TSPAN5: variants seen among roughly 807,000 people sequenced by gnomAD.
TSPAN5 encodes the protein tetraspanin 5.
Under a neutral mutation model 37.1 loss-of-function variants are expected in TSPAN5, and 10 were observed. That is an observed-to-expected ratio of 0.27 (90% CI 0.17 to 0.46). TSPAN5 has a LOEUF of 0.46. Among genes scored for constraint, TSPAN5 ranks in the 20% least tolerant of loss-of-function variants. The pLI is 1.00. For synonymous variants in TSPAN5, 110 were observed against 118.9 expected, an observed-to-expected ratio of 0.93 and a Z score of 0.48; for missense variants, 195 against 326.6, an observed-to-expected ratio of 0.60 and a Z score of 3.11.
intron 2 of TSPAN5, among the ~76,000 whole-genome samples, chr4:98,502,711 A>G (rs745514241): frequency 2.0e-5 from 3 of 152,154 alleles, no homozygotes; most frequent in Non-Finnish European, 4.4e-5. Context: ...ATGTAATGAC[A>G]AGTAGATGGA....
At chr4:98,570,834 A>T (rs916671933) in intron 1 of TSPAN5, among the ~76,000 whole-genome samples, 1 of 151,738 alleles carries the variant, frequency 6.6e-6, no homozygotes, top group African/African-American at 2.4e-5. Context: ...TCCACATCGC[A>T]CCTCCTACAG....
intron 1 of TSPAN5, among the ~76,000 whole-genome samples, chr4:98,588,630 T>C (rs1240038299): frequency 6.6e-6 from 1 of 152,202 alleles, no homozygotes; most frequent in Non-Finnish European, 1.5e-5. Flanking sequence ...AAGAGAAATT[T>C]AGTAAGATTA....
chr4:98,539,189 G>A (rs1254469667), intron 1 of TSPAN5, among the ~76,000 whole-genome samples: 1 of 150,248 alleles, frequency 6.7e-6, no homozygotes, highest in African/African-American at 2.4e-5. Context: ...TTCAATGCTT[G>A]TATGTTTGAA....
chr4:98,524,181 T>C (rs1015234028), intron 1 of TSPAN5, among the ~76,000 whole-genome samples: 1 of 152,222 alleles, frequency 6.6e-6, no homozygotes, highest in Non-Finnish European at 1.5e-5. Flanking sequence ...GCATATACTA[T>C]GGGGAAAAAA....
chr4:98,537,994 G>A (rs1029729118), intron 1 of TSPAN5, among the ~76,000 whole-genome samples: 1 of 152,256 alleles, frequency 6.6e-6, no homozygotes, highest in Non-Finnish European at 1.5e-5. Context: ...CCTATGAGGG[G>A]CTCAGCCCCA....
intron 1 of TSPAN5, among the ~76,000 whole-genome samples, chr4:98,554,075 AT>A (rs781458560): frequency 7.2e-5 from 11 of 151,774 alleles, no homozygotes; most frequent in African/African-American, 7.3e-5. Flanking sequence ...TAAAAAAAAA[AT>A]AAATTAAAAA....
chr4:98,610,107 G>C (rs1306248160), intron 1 of TSPAN5, among the ~76,000 whole-genome samples: 1 of 152,194 alleles, frequency 6.6e-6, no homozygotes, highest in Non-Finnish European at 1.5e-5. Context: ...CACAGACTGG[G>C]TAATTTGTAA....
chr4:98,497,952 G>T (rs867079229), intron 2 of TSPAN5, among the ~76,000 whole-genome samples: 1 of 152,184 alleles, frequency 6.6e-6, no homozygotes, highest in African/African-American at 2.4e-5. Context: ...GGCTGGGTTT[G>T]TATCTGAGGG....
chr4:98,602,801 G>A (rs939516331), intron 1 of TSPAN5, among the ~76,000 whole-genome samples: 11 of 152,218 alleles, frequency 7.2e-5, no homozygotes, highest in Non-Finnish European at 1.0e-4. Context: ...AAACACGGGT[G>A]CAAGAGATGG....
chr4:98,560,946 C>T (rs936373868), intron 1 of TSPAN5, among the ~76,000 whole-genome samples: 1 of 152,184 alleles, frequency 6.6e-6, no homozygotes, highest in Non-Finnish European at 1.5e-5. Flanking sequence ...ATGCAGGCAA[C>T]TAACGATAAC....
intron 1 of TSPAN5, among the ~76,000 whole-genome samples, chr4:98,534,854 T>A (rs949867254): frequency 1.3e-5 from 2 of 152,118 alleles, no homozygotes; most frequent in Admixed American, 1.3e-4. Context: ...TTTTTGTTTG[T>A]TTGTTTGGTT....
At chr4:98,565,983 G>A (rs1260673648) in intron 1 of TSPAN5, among the ~76,000 whole-genome samples, 1 of 152,122 alleles carries the variant, frequency 6.6e-6, no homozygotes, top group Admixed American at 6.6e-5. Flanking sequence ...CAATCTAGAA[G>A]CCAAAAGAAA....
At chr4:98,520,774 A>G (rs1250675885) in intron 1 of TSPAN5, among the ~76,000 whole-genome samples, 3 of 152,118 alleles carry the variant, frequency 2.0e-5, no homozygotes, top group East Asian at 3.8e-4. Flanking sequence ...ATTTCTTAAA[A>G]TAACAGAGAT....
intron 1 of TSPAN5, among the ~76,000 whole-genome samples, chr4:98,577,553 G>C (rs940558761): frequency 5.3e-5 from 8 of 152,168 alleles, no homozygotes; most frequent in Non-Finnish European, 1.2e-4. Flanking sequence ...ATCAGGGTCC[G>C]TTTATTTTGG....
intron 1 of TSPAN5, among the ~76,000 whole-genome samples, chr4:98,543,547 C>G (rs1484095945): frequency 6.6e-6 from 1 of 151,790 alleles, no homozygotes; most frequent in Non-Finnish European, 1.5e-5. Flanking sequence ...TCCCAAGTAG[C>G]TGGGATTACA....
At chr4:98,571,780 G>A (rs897313040) in intron 1 of TSPAN5, among the ~76,000 whole-genome samples, 1 of 152,100 alleles carries the variant, frequency 6.6e-6, no homozygotes, top group Non-Finnish European at 1.5e-5. Flanking sequence ...AAAGGACCCA[G>A]GGCAGTGACC....
chr4:98,545,015 C>G (rs1020249601), intron 1 of TSPAN5, among the ~76,000 whole-genome samples: 1 of 152,200 alleles, frequency 6.6e-6, no homozygotes, highest in African/African-American at 2.4e-5. Context: ...AAGGCAAGTA[C>G]ATGACCCAGG....
In TSPAN5 at chr4:98,625,745, A is replaced by G. The variant is rs117217904; in HGVS notation, c.81+32401T>C. 1.7e-3 allele frequency among the ~76,000 whole-genome samples: 265 copies of G among 152,350 alleles called. 2 individuals are homozygous for G. In the East Asian group the frequency reaches 0.036, roughly 21 times the overall value. The stretch of plus-strand genomic sequence containing the variant: ...TTCTTTATGAATGAACCCTATTAGT[A>G]GCATTTATTCATTCCTTCTGAAAAC... On this transcript the variant is annotated intron_variant, in intron 1 of 7. Coordinates refer to ENST00000305798, the MANE Select transcript of TSPAN5 (RefSeq NM_005723.4).
intron 1 of TSPAN5, among the ~76,000 whole-genome samples, chr4:98,645,081 G>A (rs773062734): frequency 1.3e-5 from 2 of 152,186 alleles, no homozygotes; most frequent in Admixed American, 6.5e-5. Flanking sequence ...GTTTTAGAAC[G>A]TGGCATTAAA....
Sources: allele counts gnomAD v4.1 joint callset (sites outside exome capture counted in the v4.1 genomes callset), GRCh38; gene constraint gnomAD v4.1.1; transcripts MANE v1.5; gene names NCBI Gene and HGNC (gene_info 2026-07-23, HGNC 2026-07-21).